The following KCNQ1 variants were observed in gnomAD, a reference collection of about 807,000 sequenced individuals.
KCNQ1 encodes the protein potassium voltage-gated channel subfamily Q member 1, also known as potassium voltage-gated channel subfamily KQT member 1.
KCNQ1 carries 49 observed loss-of-function variants against 72.4 expected under a neutral mutation model. That is an observed-to-expected ratio of 0.68 (90% CI 0.54 to 0.86). The LOEUF (loss-of-function observed/expected upper bound fraction) is 0.86. KCNQ1 is among the 40% of genes least tolerant of loss of function. KCNQ1 has a pLI of 0.00. For missense variants in KCNQ1, 790 were observed against 945.1 expected, an observed-to-expected ratio of 0.84 and a Z score of 2.15; for synonymous variants, 450 against 412.6, an observed-to-expected ratio of 1.09 and a Z score of -1.10.
chr11:2,810,846 A>C (rs1343871744), intron 15 of KCNQ1, among the ~76,000 whole-genome samples: 1 of 152,160 alleles, frequency 6.6e-6, no homozygotes, highest in Admixed American at 6.5e-5. Context: ...TGCATCTGAG[A>C]GCTTGGGCTC....
At chr11:2,632,393 C>A (rs1849374990) in intron 10 of KCNQ1, 1 of 398,394 alleles carries the variant, frequency 2.5e-6, no homozygotes, top group Non-Finnish European at 4.4e-6. Context: ...TAGAAAGCCA[C>A]TACTATGTTT....
Position 2,648,981 on chromosome 11 carries a change from C to CTTTTTTTTTTTTTTT in KCNQ1, c.1394-12971_1394-12957dup. 6.8e-4 allele frequency: 146 copies of CTTTTTTTTTTTTTTT among 213,268 alleles called. 1 individual carries two copies. The highest frequency in any genetic ancestry group is 1.8e-3 in the African/African-American group (41 of 22,516). The allele number at this position is 213,268 out of a possible 1,614,324, so 13.2% of individuals were successfully genotyped here. On this transcript the variant is annotated intron_variant, in intron 10 of 15. Transcript: ENST00000155840. ...CCTCCTTTGTCTCTTTTTTCTTTTT[C>CTTTTTTTTTTTTTTT]TTTTTTTTTTTTTTTTTTTTTTTGA...
Position 2,713,842 on chromosome 11 carries a change from G to A in KCNQ1, c.1514+51761G>A, listed in dbSNP as rs1851045253. 1.3e-5 allele frequency among the ~76,000 whole-genome samples: 2 copies of A among 152,236 alleles called. No individual in the cohort carries two copies. Among genetic ancestry groups the A allele is most frequent in the African/African-American group, 2.4e-5 (1 of 41,452 alleles). On this transcript the variant is annotated intron_variant, in intron 11 of 15. Transcript: ENST00000155840. This position sits in a 1 kb window ranked among gnomAD's most constrained non-coding sequence, Gnocchi z 5.6. ...CGTATTCTGGCCGTCTTACATTACT[G>A]CAATATTGCTTCCAGATGGGCAAAC...
Position 2,567,096 on chromosome 11 carries a change from C to T in KCNQ1, c.478-3532C>T, listed in dbSNP as rs1183611439. Among the ~76,000 whole-genome samples the T allele has an allele frequency of 6.6e-6, 1 of 152,046 alleles. No individual in the cohort carries two copies. The highest frequency in any genetic ancestry group is 1.9e-4 in the East Asian group (1 of 5,170). On this transcript the variant is annotated intron_variant, in intron 2 of 15. Coordinates refer to ENST00000155840, the MANE Select transcript of KCNQ1 (RefSeq NM_000218.3). The surrounding 1 kb of genome is among the most constrained non-coding windows in gnomAD (Gnocchi z 6.6). The stretch of plus-strand genomic sequence containing the variant: ...GCTCTGGGGGAGACTGGGCGGTGAG[C>T]CCCTGGGAAGGAGGCCTCAGGGACA...
Position 2,515,269 on chromosome 11 carries a change from C to T in KCNQ1, c.387-12659C>T, listed in dbSNP as rs1452790087. Among the ~76,000 whole-genome samples the T allele has an allele frequency of 1.3e-5, 2 of 152,180 alleles. No homozygotes were observed. Among genetic ancestry groups the T allele is most frequent in the Non-Finnish European group, 2.9e-5 (2 of 68,038 alleles). On this transcript the variant is annotated intron_variant, in intron 1 of 15. Coordinates refer to ENST00000155840, the MANE Select transcript of KCNQ1 (RefSeq NM_000218.3). The surrounding 1 kb of genome is among the most constrained non-coding windows in gnomAD (Gnocchi z 4.7). ...TCTAGCTTCCACTCATGAGTGAGAA[C>T]GTGCCGTGTTTGGTTTTCTGTTTCC...
In KCNQ1 at chr11:2,713,555, G is replaced by C. The variant is rs903539803; in HGVS notation, c.1514+51474G>C. On this transcript the variant is annotated intron_variant, in intron 11 of 15. Coordinates refer to ENST00000155840, the MANE Select transcript of KCNQ1 (RefSeq NM_000218.3). The surrounding 1 kb of genome is among the most constrained non-coding windows in gnomAD (Gnocchi z 5.6). ...TGTGGGAAGGGGGTCTGGAGGACAG[G>C]CACCCTTGTTGGCCGTGGATAGGTT... Among the ~76,000 whole-genome samples the C allele has an allele frequency of 6.6e-6, 1 of 152,100 alleles. No homozygotes were observed. Among genetic ancestry groups the C allele is most frequent in the South Asian group, 2.1e-4 (1 of 4,834 alleles).
At position 2,593,785 on chromosome 11, in the gene KCNQ1, C is replaced by A. The variant is rs1257828439; in HGVS notation, c.1393+4931C>A. ...TCCCGGCTCCGCGTCCTCAGCCCAA[C>A]ACACCAAGCCTGGCCTTTCATGCAC... On this transcript the variant is annotated intron_variant, in intron 10 of 15. Coordinates refer to ENST00000155840, the MANE Select transcript of KCNQ1 (RefSeq NM_000218.3). This position sits in a 1 kb window ranked among gnomAD's most constrained non-coding sequence, Gnocchi z 6.9. Among the ~76,000 whole-genome samples, 5 of 152,220 alleles carry A rather than the reference C, an allele frequency of 3.3e-5. No individual in the cohort carries two copies. Among genetic ancestry groups the A allele is most frequent in the African/African-American group, 9.6e-5 (4 of 41,462 alleles).
Position 2,549,924 on chromosome 11 carries a change from A to T in KCNQ1, c.478-20704A>T, listed in dbSNP as rs1330917509. On this transcript the variant is annotated intron_variant, in intron 2 of 15. Transcript: ENST00000155840. The surrounding 1 kb of genome is among the most constrained non-coding windows in gnomAD (Gnocchi z 6.2). ...CGGCTCCTTGCCCACCGCCCCCGCC[A>T]CCCAGCGCGAGCCGCGTAGAGGAGC... is the stretch of plus-strand genomic sequence containing the variant. Among the ~76,000 whole-genome samples, 2 of 151,828 alleles carry T rather than the reference A, an allele frequency of 1.3e-5. No homozygotes were observed. The highest frequency in any genetic ancestry group is 4.8e-5 in the African/African-American group (2 of 41,304).
At position 2,713,057 on chromosome 11, in the gene KCNQ1, C is replaced by T. The variant is rs573775610; in HGVS notation, c.1514+50976C>T. Among the ~76,000 whole-genome samples, 38 of 152,270 alleles carry T rather than the reference C, an allele frequency of 2.5e-4. No individual in the cohort carries two copies. The South Asian group carries it at 3.3e-3, about 13-fold the overall frequency. On this transcript the variant is annotated intron_variant, in intron 11 of 15. Coordinates refer to ENST00000155840, the MANE Select transcript of KCNQ1 (RefSeq NM_000218.3). The surrounding 1 kb of genome is among the most constrained non-coding windows in gnomAD (Gnocchi z 5.6). ...GGGCACCCAGAAGGCAGCAGGCTAACGACTCCCCATGAAATTAACAACTTT... is the reference window on the plus strand; with the variant it reads ...GGGCACCCAGAAGGCAGCAGGCTAATGACTCCCCATGAAATTAACAACTTT...
At chr11:2,732,605 C>T (rs1055288789) in intron 11 of KCNQ1, among the ~76,000 whole-genome samples, 2 of 152,188 alleles carry the variant, frequency 1.3e-5, no homozygotes, top group Admixed American at 6.5e-5. Flanking sequence ...CCGGTGCTTC[C>T]GACGGGGCCC....
chr11:2,657,659 A>C lies in KCNQ1; in HGVS notation c.1394-4302A>C. 1 of 398,630 alleles carries C rather than the reference A, an allele frequency of 2.5e-6. No homozygotes were observed. Among genetic ancestry groups the C allele is most frequent in the East Asian group, 3.6e-5 (1 of 28,082 alleles). 24.7% of individuals were successfully genotyped at this position (398,630 alleles called of 1,614,324 possible). On this transcript the variant is annotated intron_variant, in intron 10 of 15. Transcript: ENST00000155840. This position sits in a 1 kb window ranked among gnomAD's most constrained non-coding sequence, Gnocchi z 4.8. ...GTTATAAATTTATTTGGATTTCCCC[A>C]GTTTAACTACTAATGTCCTTTTTCT... is the stretch of plus-strand genomic sequence containing the variant.
chr11:2,760,894 G>A (rs980708585), intron 11 of KCNQ1, among the ~76,000 whole-genome samples: 1 of 152,202 alleles, frequency 6.6e-6, no homozygotes, highest in Admixed American at 6.5e-5. Context: ...CCACAGCAGC[G>A]TCTAGGGGTG....
intron 1 of KCNQ1, among the ~76,000 whole-genome samples, chr11:2,480,270 C>A (rs1268539957): frequency 6.6e-6 from 1 of 152,178 alleles, no homozygotes; most frequent in Non-Finnish European, 1.5e-5. Context: ...TACCAATTTA[C>A]TGTATTAGTC....
intron 1 of KCNQ1, among the ~76,000 whole-genome samples, chr11:2,453,164 G>A (rs557665133): frequency 7.3e-4 from 111 of 152,282 alleles, no homozygotes; most frequent in African/African-American, 2.4e-3. Context: ...ACCTTAGGTC[G>A]GGAGTTCGAG....
chr11:2,839,829 G>T (rs58579655), intron 15 of KCNQ1: 2 of 152,088 alleles, frequency 1.3e-5, no homozygotes, highest in South Asian at 2.1e-4. Context: ...GTGGGTTCCA[G>T]CTCCCGTCGC....
chr11:2,811,515 G>A (rs1847485125), intron 15 of KCNQ1, among the ~76,000 whole-genome samples: 1 of 152,268 alleles, frequency 6.6e-6, no homozygotes, highest in Non-Finnish European at 1.5e-5. Context: ...AAGGCCGCAT[G>A]AGGGGACAGA....
At chr11:2,796,826 G>A (rs1343195065) in intron 15 of KCNQ1, among the ~76,000 whole-genome samples, 17 of 152,176 alleles carry the variant, frequency 1.1e-4, no homozygotes, top group Admixed American at 1.0e-3. Context: ...TCCCTCCTGC[G>A]CCACCTGACA....
At chr11:2,520,400 T>C (rs1330371074) in intron 1 of KCNQ1, among the ~76,000 whole-genome samples, 3 of 152,172 alleles carry the variant, frequency 2.0e-5, no homozygotes, top group Admixed American at 6.5e-5. Context: ...GGTCGGGAGA[T>C]GCCTGGCCCA....
chr11:2,473,570 C>A lies in KCNQ1; in HGVS notation c.386+28086C>A, dbSNP rs574482911. Among the ~76,000 whole-genome samples, 1 of 152,216 alleles carries A rather than the reference C, an allele frequency of 6.6e-6. No homozygotes were observed. Among genetic ancestry groups the A allele is most frequent in the Non-Finnish European group, 1.5e-5 (1 of 68,040 alleles). On this transcript the variant is annotated intron_variant, in intron 1 of 15. Coordinates refer to ENST00000155840, the MANE Select transcript of KCNQ1 (RefSeq NM_000218.3). The surrounding 1 kb of genome is among the most constrained non-coding windows in gnomAD (Gnocchi z 6.0). Reference sequence around the variant, plus strand: ...GGGACAGCGCTCAGCATGGCACAGACGCTCAGCCGTGTCATGTGGCTTGTA... The same window carrying A: ...GGGACAGCGCTCAGCATGGCACAGAAGCTCAGCCGTGTCATGTGGCTTGTA...
Sources: gnomAD v4.1 joint callset for allele counts (sites outside exome capture counted in the v4.1 genomes callset) on GRCh38, gnomAD v4.1.1 for gene constraint, Gnocchi (gnomAD v3.1) non-coding constraint, MANE v1.5 for transcripts, NCBI Gene and HGNC (gene_info 2026-07-23, HGNC 2026-07-21) for gene names.